PCGF5: variants seen among roughly 807,000 people sequenced by gnomAD.
PCGF5 encodes the protein polycomb group ring finger 5.
In PCGF5, 9 loss-of-function variants were observed where a neutral mutation model predicts 44.3. That is an observed-to-expected ratio of 0.20 (90% CI 0.12 to 0.35). The LOEUF is 0.35. PCGF5 is among the 10% of genes least tolerant of loss of function. The pLI, the probability that PCGF5 is intolerant of heterozygous loss-of-function variation, is 1.00. For synonymous variants in PCGF5, 95 were observed against 102.5 expected, an observed-to-expected ratio of 0.93 and a Z score of 0.44; for missense variants, 146 against 305.3, an observed-to-expected ratio of 0.48 and a Z score of 3.89.
chr10:91,156,967 A>G, the PCGF5 span, among the ~76,000 whole-genome samples: 1 of 152,226 alleles, frequency 6.6e-6, no homozygotes, highest in Non-Finnish European at 1.5e-5. Flanking sequence ...TTGTCCAAGT[A>G]AGACTGCCCA....
intron 2 of PCGF5, among the ~76,000 whole-genome samples, chr10:91,237,356 G>A (rs1441709945): frequency 6.6e-6 from 1 of 152,104 alleles, no homozygotes; most frequent in African/African-American, 2.4e-5. Context: ...ACATTGTTCA[G>A]CATCTTAAAG....
chr10:91,173,825 G>C (rs1235091382), intron 1 of PCGF5, among the ~76,000 whole-genome samples: 2 of 151,924 alleles, frequency 1.3e-5, no homozygotes, highest in Non-Finnish European at 2.9e-5. Flanking sequence ...CTTCAGATTT[G>C]TGTCCTTTGG....
chr10:91,195,471 C>CGT (rs1554843730), intron 1 of PCGF5, among the ~76,000 whole-genome samples: 3 of 138,750 alleles, frequency 2.2e-5, no homozygotes, highest in Admixed American at 7.0e-5. Context: ...TATATGCATG[C>CGT]ATATATATAT....
At chr10:91,197,702 G>T (rs1415896709) in intron 1 of PCGF5, among the ~76,000 whole-genome samples, 1 of 101,046 alleles carries the variant, frequency 9.9e-6, no homozygotes, top group Non-Finnish European at 3.0e-5. Flanking sequence ...CTGTCAACCG[G>T]TACTGGACAT....
intron 1 of PCGF5, among the ~76,000 whole-genome samples, chr10:91,202,769 C>T (rs984606269): frequency 3.9e-5 from 6 of 151,976 alleles, no homozygotes; most frequent in South Asian, 2.1e-4. Flanking sequence ...GGTAGTTAGG[C>T]GAAAAGATTG....
In PCGF5 at chr10:91,196,974, G is replaced by A. The variant is rs140853826; in HGVS notation, c.-183-25715G>A. On this transcript the variant is annotated intron_variant, in intron 1 of 9. Transcript: ENST00000614189. ...AGCCTCCAGATTCTTTTTATCCTGT[G>A]CATGATGTGGAACCATTCAAATCTC... Among the ~76,000 whole-genome samples the A allele has an allele frequency of 4.3e-3, 660 of 152,188 alleles. 3 individuals carry two copies. Among genetic ancestry groups the A allele is most frequent in the African/African-American group, 0.015 (627 of 41,524 alleles).
chr10:91,272,960 C>G (rs1296961125), intron 9 of PCGF5, among the ~76,000 whole-genome samples: 1 of 152,164 alleles, frequency 6.6e-6, no homozygotes, highest in Non-Finnish European at 1.5e-5. Context: ...GTATGTTAAG[C>G]ATTAAAAGAA....
rs1162221598 is a variant in PCGF5 at position 91,282,990 on chromosome 10, C to T, written c.*4674C>T. On this transcript the variant is annotated 3_prime_UTR_variant, in exon 10 of 10. Transcript: ENST00000336126. Reference sequence around the variant, plus strand: ...GAAAAAGTGAAAAATATTAAATACACCAGAGACTCAAACCCTTTCAAGGCA... The same window carrying T: ...GAAAAAGTGAAAAATATTAAATACATCAGAGACTCAAACCCTTTCAAGGCA... 6.6e-6 allele frequency: 1 copy of T among 152,126 alleles called. No individual in the cohort carries two copies. The highest frequency in any genetic ancestry group is 3.2e-3 in the Middle Eastern group (1 of 316). 9.4% of individuals were successfully genotyped at this position (152,126 alleles called of 1,614,324 possible). A position where few individuals can be genotyped will look rare whatever the true frequency, so the allele number is the denominator to read the frequency against.
intron 5 of PCGF5, among the ~76,000 whole-genome samples, chr10:91,249,094 T>C (rs1219495124): frequency 6.6e-6 from 1 of 151,918 alleles, no homozygotes; most frequent in East Asian, 1.9e-4. Flanking sequence ...TTTTGTATGT[T>C]TGCCTCTAAA....
At chr10:91,249,631 G>A (rs941606203) in intron 5 of PCGF5, among the ~76,000 whole-genome samples, 9 of 151,600 alleles carry the variant, frequency 5.9e-5, no homozygotes, top group Non-Finnish European at 1.3e-4. Context: ...CATGATTAAG[G>A]TGGATGAGAT....
intron 5 of PCGF5, among the ~76,000 whole-genome samples, chr10:91,249,942 T>A (rs1368659422): frequency 6.6e-6 from 1 of 152,036 alleles, no homozygotes; most frequent in Non-Finnish European, 1.5e-5. Context: ...TATTCCAGTT[T>A]TTGACTGCCT....
At chr10:91,262,103 T>C (rs1845928016) in intron 7 of PCGF5, among the ~76,000 whole-genome samples, 2 of 152,174 alleles carry the variant, frequency 1.3e-5, no homozygotes. Context: ...CCTTCTTCCC[T>C]TTCGAGTTCT....
At chr10:91,181,606 A>T (rs1843819972) in intron 1 of PCGF5, among the ~76,000 whole-genome samples, 1 of 152,198 alleles carries the variant, frequency 6.6e-6, no homozygotes, top group African/African-American at 2.4e-5. Context: ...TTCTGCATCT[A>T]TTGAGTTAAT....
rs1387839358 is a variant in PCGF5 at position 91,163,562 on chromosome 10, C to T, written c.-184+481C>T. Among the ~76,000 whole-genome samples the T allele has an allele frequency of 1.1e-4, 16 of 152,200 alleles. No individual in the cohort carries two copies. In the East Asian group the frequency reaches 2.3e-3, roughly 22 times the overall value. On this transcript the variant is annotated intron_variant, in intron 1 of 9. Transcript: ENST00000614189. ...ACCTGAGTCGGCGCTCGGGCCCTTC[C>T]CCCGCCGGCAGCCGCGCGCCCCGGC... is the stretch of plus-strand genomic sequence containing the variant.
chr10:91,272,679 G>A lies in PCGF5; in HGVS notation c.723+982G>A, dbSNP rs574832272. On this transcript the variant is annotated intron_variant, in intron 9 of 9. Coordinates refer to ENST00000336126, the MANE Select transcript of PCGF5 (RefSeq NM_032373.5). The stretch of plus-strand genomic sequence containing the variant: ...TCCCAGCTACTAAGGAGGTTGAGGC[G>A]GGAGGGTCGCTTGAGCCCAGGAAAT... Among the ~76,000 whole-genome samples, 237 of 152,110 alleles carry A rather than the reference G, an allele frequency of 1.6e-3. 1 individual carries two copies. Among genetic ancestry groups the A allele is most frequent in the African/African-American group, 5.5e-3 (230 of 41,500 alleles).
chr10:91,186,447 A>G (rs1307480017), intron 1 of PCGF5, among the ~76,000 whole-genome samples: 1 of 152,224 alleles, frequency 6.6e-6, no homozygotes, highest in Admixed American at 6.5e-5. Flanking sequence ...TTTCAATGAA[A>G]GAAATTTTGT....
intron 6 of PCGF5, 96 bp downstream of exon 6, chr10:91,251,536 T>G: frequency 1.7e-6 from 2 of 1,206,958 alleles, no homozygotes; most frequent in Admixed American, 4.4e-5. Context: ...AATGTTTGCT[T>G]TCAAAGTTTT....
intron 1 of PCGF5, among the ~76,000 whole-genome samples, chr10:91,213,630 T>C (rs1357190317): frequency 6.7e-6 from 1 of 148,972 alleles, no homozygotes; most frequent in Admixed American, 6.7e-5. Flanking sequence ...ACACCAGGCT[T>C]TTTTTTTTCT....
intron 1 of PCGF5, among the ~76,000 whole-genome samples, chr10:91,200,956 G>A (rs373393846): frequency 2.0e-5 from 3 of 152,284 alleles, no homozygotes; most frequent in African/African-American, 4.8e-5. Context: ...GGAGGGTCAG[G>A]TGGGAGAATG....
Sources: allele counts gnomAD v4.1 joint callset (sites outside exome capture counted in the v4.1 genomes callset), GRCh38; gene constraint gnomAD v4.1.1; transcripts MANE v1.5; gene names NCBI Gene and HGNC (gene_info 2026-07-23, HGNC 2026-07-21).